The following GAK variants were observed in gnomAD, a reference collection of about 807,000 sequenced individuals.
GAK encodes the protein cyclin-G-associated kinase.
Under a neutral mutation model 143.9 loss-of-function variants are expected in GAK, and 79 were observed. That is an observed-to-expected ratio of 0.55 (90% CI 0.46 to 0.66). The LOEUF is 0.66. Among genes scored for constraint, GAK ranks in the 30% least tolerant of loss-of-function variants. The pLI is 0.00. For missense variants in GAK, 1,693 were observed against 1,779.7 expected (o/e 0.95, Z 0.88); for synonymous variants, 881 against 765.5 (o/e 1.15, Z -2.49).
At chr4:896,144 G>A (rs1718724344) in intron 7 of GAK, among the ~76,000 whole-genome samples, 1 of 152,138 alleles carries the variant, frequency 6.6e-6, no homozygotes, top group Non-Finnish European at 1.5e-5. Context: ...AGCACCTGTG[G>A]TCCCAGCTAC....
In GAK at chr4:867,147, G is replaced by A. The variant is rs368428903; in HGVS notation, c.2681C>T (p.Pro894Leu). 1.5e-5 allele frequency: 24 copies of A among 1,594,288 alleles called. No individual in the cohort carries two copies. In the African/African-American group the frequency reaches 3.2e-4, roughly 21 times the overall value. The part of the protein sequence containing the change: ...LGLHSEVGAG[P>L]AVPPQACKAP... ...CTTGCAGGCCTGCGGGGGTACAGCT[G>A]GCCCTGCGCCCACCTCGGAGTGCAG... The change falls in exon 21 of 28, where the codon CCA (proline) becomes CTA (leucine). Residue 894 changes from proline to leucine, a missense_variant. Coordinates refer to ENST00000314167, the MANE Select transcript of GAK (RefSeq NM_005255.4).
At chr4:874,207 C>T (rs1713338771) in intron 18 of GAK, among the ~76,000 whole-genome samples, 1 of 152,130 alleles carries the variant, frequency 6.6e-6, no homozygotes, top group Non-Finnish European at 1.5e-5. Flanking sequence ...TGCGCACGCG[C>T]TGGTGCTCCT....
intron 1 of GAK, among the ~76,000 whole-genome samples, chr4:923,911 G>A (rs1233820021): frequency 1.3e-5 from 2 of 151,726 alleles, no homozygotes; most frequent in South Asian, 2.1e-4. Flanking sequence ...AAGGCCAGGC[G>A]CCGTGGCTCA....
chr4:874,271 T>C (rs1713357845), intron 18 of GAK, among the ~76,000 whole-genome samples: 1 of 152,190 alleles, frequency 6.6e-6, no homozygotes, highest in Non-Finnish European at 1.5e-5. Context: ...GACGTTAGTA[T>C]TGGTGTTTTA....
intron 25 of GAK, chr4:851,373 G>C (rs984592571): frequency 2.2e-5 from 10 of 458,786 alleles, no homozygotes; most frequent in Non-Finnish European, 4.0e-5. Flanking sequence ...TGGGATTATA[G>C]GCGTGAGCCA....
At chr4:913,807 C>A (rs908271967) in intron 1 of GAK, 139 bp from the exon 2 acceptor site, 1 of 696,780 alleles carries the variant, frequency 1.4e-6, no homozygotes, top group South Asian at 1.6e-5. Flanking sequence ...ATGGCCCCAG[C>A]GTACACGCCC....
In GAK at chr4:911,695, G is replaced by A. The variant is rs746630217; in HGVS notation, c.360C>T (p.Leu120=). Residue 120 remains leucine, a synonymous_variant, in exon 4 of 28, where the codon CTC becomes CTT. Transcript: ENST00000314167. The part of the protein sequence containing the change: ...EESDTGQAEF[L]LLTELCKGQL... ...TACCTTTACAGAGCTCTGTGAGCAA[G>A]AGGAACTCAGCCTGCCCCGTGTCTG... is the stretch of plus-strand genomic sequence containing the variant. 3 of 1,613,740 alleles carry A rather than the reference G, an allele frequency of 1.9e-6. No individual in the cohort carries two copies. The highest frequency in any genetic ancestry group is 2.2e-5 in the South Asian group (2 of 91,076).
At chr4:877,000 C>G (rs1416982744) in intron 17 of GAK, 90 bp downstream of exon 17, 1 of 886,586 alleles carries the variant, frequency 1.1e-6, no homozygotes, top group Admixed American at 2.2e-5. Flanking sequence ...ACCCTGGACC[C>G]TCGGTGAGAA....
intron 1 of GAK, among the ~76,000 whole-genome samples, chr4:919,641 C>T (rs552411703): frequency 2.6e-5 from 4 of 152,362 alleles, no homozygotes; most frequent in African/African-American, 7.2e-5. Flanking sequence ...TGCTCCTCAC[C>T]GCTTCTGCGA....
intron 1 of GAK, chr4:915,760 A>G (rs948238514): frequency 6.6e-6 from 1 of 152,194 alleles, no homozygotes; most frequent in African/African-American, 2.4e-5. Context: ...GGAACACTGC[A>G]TTTCGTGGTG....
intron 26 of GAK, 48 bp downstream of exon 26, chr4:850,888 A>G (rs1486677681): frequency 2.5e-6 from 4 of 1,585,090 alleles, no homozygotes; most frequent in South Asian, 1.1e-5. Flanking sequence ...TCCAGGGGCC[A>G]TGGGTTGAGG....
chr4:899,491 C>T (rs529570715), intron 5 of GAK, among the ~76,000 whole-genome samples: 8 of 152,274 alleles, frequency 5.3e-5, no homozygotes, highest in Admixed American at 1.3e-4. Context: ...TCGGCATGCA[C>T]GCGGTCAGTA....
rs1749100977 is a variant in GAK, at chr4:856,188, T to TCACCACAGCTGCTCAC, written c.3283+3402_3283+3417dup. Reference sequence around the variant, plus strand: ...CACCACCACAGCTGCTCACACCTGCTCACCACAGCTGCTCACACCTGCTCA... The same window carrying TCACCACAGCTGCTCAC: ...CACCACCACAGCTGCTCACACCTGCTCACCACAGCTGCTCACCACCACAGCTGCTCACACCTGCTCA... On this transcript the variant is annotated intron_variant, in intron 24 of 27. Coordinates refer to ENST00000314167, the MANE Select transcript of GAK (RefSeq NM_005255.4). Among the ~76,000 whole-genome samples, 14 of 132,782 alleles carry TCACCACAGCTGCTCAC rather than the reference T, an allele frequency of 1.1e-4. No individual in the cohort carries two copies. The South Asian group carries it at 3.5e-3, about 33-fold the overall frequency. The allele number at this position is 132,782 out of a possible 152,430, so 87.1% of individuals were successfully genotyped here.
chr4:872,077 C>G (rs1201029605), intron 18 of GAK, among the ~76,000 whole-genome samples: 1 of 152,222 alleles, frequency 6.6e-6, no homozygotes, highest in Non-Finnish European at 1.5e-5. Flanking sequence ...CGAGGGAGGG[C>G]AGGGAGACGG....
chr4:859,242 C>T, intron 24 of GAK: 8 of 1,201,270 alleles, frequency 6.7e-6, no homozygotes, highest in Non-Finnish European at 7.4e-6. Flanking sequence ...TGGCCGACAG[C>T]TAGCACGCTC....
chr4:862,873 C>T (rs1400821262), intron 23 of GAK, among the ~76,000 whole-genome samples: 2 of 152,240 alleles, frequency 1.3e-5, no homozygotes, highest in African/African-American at 2.4e-5. Flanking sequence ...CTGACAGAGA[C>T]GTACGCAGAC....
chr4:862,488 G>A (rs966297500), intron 23 of GAK, among the ~76,000 whole-genome samples: 1 of 152,056 alleles, frequency 6.6e-6, no homozygotes, highest in African/African-American at 2.4e-5. Context: ...GTGAAACCCC[G>A]TCTCTAGGGG....
intron 4 of GAK, among the ~76,000 whole-genome samples, chr4:907,870 C>G (rs1001572091): frequency 6.6e-6 from 1 of 152,190 alleles, no homozygotes; most frequent in Admixed American, 6.5e-5. Flanking sequence ...CAGGAGTGAG[C>G]TGGCGCGCGC....
At chr4:870,245 G>T (rs1375692812) in intron 19 of GAK, among the ~76,000 whole-genome samples, 3 of 152,238 alleles carry the variant, frequency 2.0e-5, no homozygotes, top group South Asian at 2.1e-4. Flanking sequence ...ATGAGCAGTG[G>T]ACGGCCCTGG....
Sources: allele counts gnomAD v4.1 joint callset (sites outside exome capture counted in the v4.1 genomes callset), GRCh38; gene constraint gnomAD v4.1.1; transcripts MANE v1.5; gene names NCBI Gene and HGNC (gene_info 2026-07-23, HGNC 2026-07-21).